The following CCNY variants were observed in gnomAD, a reference collection of about 807,000 sequenced individuals.
CCNY encodes cyclin Y, also known as cyclin-Y.
Under a neutral mutation model 42.8 loss-of-function variants are expected in CCNY, and 19 were observed. The observed-to-expected ratio is 0.44, with a 90% confidence interval of 0.31 to 0.65. The LOEUF (loss-of-function observed/expected upper bound fraction) is 0.65, where lower values mean the gene tolerates loss of function less well. Among genes scored for constraint, CCNY ranks in the 30% least tolerant of loss-of-function variants. The pLI is 0.07. For synonymous variants in CCNY, 165 were observed against 162.7 expected (o/e 1.01, Z -0.11); for missense variants, 370 against 437.3 (o/e 0.85, Z 1.37).
intron 3 of CCNY, among the ~76,000 whole-genome samples, chr10:35,504,810 T>C (rs1840181396): frequency 6.6e-6 from 1 of 152,176 alleles, no homozygotes; most frequent in Non-Finnish European, 1.5e-5. Context: ...CTAATTTTTG[T>C]ATTTTTAGTA....
At chr10:35,560,832 G>A (rs1841451443) in intron 8 of CCNY, among the ~76,000 whole-genome samples, 1 of 152,160 alleles carries the variant, frequency 6.6e-6, no homozygotes. Flanking sequence ...AACCGTGTGA[G>A]CCCAGGAATT....
intron 1 of CCNY, among the ~76,000 whole-genome samples, chr10:35,444,404 C>T (rs757930109): frequency 5.9e-5 from 9 of 152,112 alleles, no homozygotes; most frequent in Non-Finnish European, 4.4e-5. Flanking sequence ...TGCGCCATCA[C>T]GCCCAGCTAA....
At chr10:35,393,956 GA>G (rs1396563593) in intron 1 of CCNY, among the ~76,000 whole-genome samples, 1 of 152,156 alleles carries the variant, frequency 6.6e-6, no homozygotes, top group Non-Finnish European at 1.5e-5. Context: ...TATAAAAAAA[GA>G]AATGAAACAA....
chr10:35,414,918 G>A lies in CCNY; in HGVS notation c.155-68486G>A, dbSNP rs76837439. ...AATTGAGCTGAAGCCTTGTCAAGCC[G>A]TGCTTTGAGAGTGACCCTGCTCTGA... is the stretch of plus-strand genomic sequence containing the variant. On this transcript the variant is annotated intron_variant, in intron 1 of 9. Coordinates refer to ENST00000374704, the MANE Select transcript of CCNY (RefSeq NM_145012.6). 0.014 allele frequency among the ~76,000 whole-genome samples: 2,134 copies of A among 152,280 alleles called. 79 individuals are homozygous for A. In the East Asian group the frequency reaches 0.15, roughly 11 times the overall value.
chr10:35,569,018 C>T, intron 9 of CCNY, 36 bp from the exon 10 acceptor site: 1 of 1,398,112 alleles, frequency 7.2e-7, no homozygotes, highest in East Asian at 2.3e-5. Flanking sequence ...GCAGATATGG[C>T]CCGCCCTGAC....
chr10:35,526,380 G>A (rs1374137315), intron 5 of CCNY, among the ~76,000 whole-genome samples: 3 of 152,148 alleles, frequency 2.0e-5, no homozygotes, highest in Non-Finnish European at 4.4e-5. Context: ...ATTCAGTAGA[G>A]GCAATTTTGG....
intron 1 of CCNY, among the ~76,000 whole-genome samples, chr10:35,463,144 C>G (rs1839190895): frequency 6.6e-6 from 1 of 152,158 alleles, no homozygotes; most frequent in South Asian, 2.1e-4. Context: ...TTCAGATGTG[C>G]TAGATGTGGA....
chr10:35,380,564 C>T (rs1485671725), intron 1 of CCNY, among the ~76,000 whole-genome samples: 1 of 152,170 alleles, frequency 6.6e-6, no homozygotes, highest in African/African-American at 2.4e-5. Context: ...ATATTTCACC[C>T]AGATTTAGTA....
intron 1 of CCNY, among the ~76,000 whole-genome samples, chr10:35,339,348 C>T (rs1836123113): frequency 6.6e-6 from 1 of 152,076 alleles, no homozygotes; most frequent in Non-Finnish European, 1.5e-5. Context: ...GTGTTACCTG[C>T]CGTTCAGGGA....
chr10:35,423,193 G>A (rs1838195132), intron 1 of CCNY, among the ~76,000 whole-genome samples: 1 of 151,646 alleles, frequency 6.6e-6, no homozygotes, highest in Admixed American at 6.6e-5. Context: ...AAAAATTTTC[G>A]GCCAGGTGTG....
intron 1 of CCNY, among the ~76,000 whole-genome samples, chr10:35,434,913 G>A (rs912043001): frequency 6.6e-6 from 1 of 152,042 alleles, no homozygotes; most frequent in African/African-American, 2.4e-5. Context: ...TCTACTTAAT[G>A]TATCTCCTGC....
intron 1 of CCNY, among the ~76,000 whole-genome samples, chr10:35,385,430 C>T (rs1837282369): frequency 6.6e-6 from 1 of 152,128 alleles, no homozygotes; most frequent in South Asian, 2.1e-4. Flanking sequence ...GAAGTTAGTT[C>T]AGTGATTGTG....
chr10:35,526,731 TAA>T (rs1490184287), intron 5 of CCNY, among the ~76,000 whole-genome samples: 1 of 151,784 alleles, frequency 6.6e-6, no homozygotes, highest in East Asian at 1.9e-4. Flanking sequence ...CAGATGAGTA[TAA>T]AATTTTTCCA....
At chr10:35,247,662 G>A (rs986657073) in intron 1 of CCNY, among the ~76,000 whole-genome samples, 16 of 151,638 alleles carry the variant, frequency 1.1e-4, no homozygotes, top group Admixed American at 4.6e-4. Flanking sequence ...GGATCACAAC[G>A]TCAGGAGATC....
chr10:35,366,560 T>A (rs1170639176), intron 1 of CCNY, among the ~76,000 whole-genome samples: 1 of 152,228 alleles, frequency 6.6e-6, no homozygotes, highest in Non-Finnish European at 1.5e-5. Context: ...GATGGGAGAC[T>A]CCAAGGTTTT....
At chr10:35,438,635 C>T (rs897126787) in intron 1 of CCNY, among the ~76,000 whole-genome samples, 3 of 152,090 alleles carry the variant, frequency 2.0e-5, no homozygotes, top group African/African-American at 7.2e-5. Flanking sequence ...AAATGTTTCT[C>T]CTGTATACAT....
intron 2 of CCNY, among the ~76,000 whole-genome samples, chr10:35,494,819 ACAT>A (rs1839975406): frequency 6.6e-6 from 1 of 152,260 alleles, no homozygotes; most frequent in African/African-American, 2.4e-5. Context: ...GCAAAAGTAC[ACAT>A]CATGCTTGCT....
chr10:35,254,031 A>T (rs1020518992), intron 3 of CCNY, among the ~76,000 whole-genome samples: 1 of 136,882 alleles, frequency 7.3e-6, no homozygotes, highest in African/African-American at 2.9e-5. Context: ...GCCCGCCACC[A>T]TGCCCAGCTA....
At chr10:35,301,925 G>C (rs1156815171) in intron 3 of CCNY, among the ~76,000 whole-genome samples, 1 of 151,394 alleles carries the variant, frequency 6.6e-6, no homozygotes, top group Non-Finnish European at 1.5e-5. Context: ...GAGTCACCCC[G>C]CCCAGCCTTC....
Sources: allele counts gnomAD v4.1 joint callset (sites outside exome capture counted in the v4.1 genomes callset), GRCh38; gene constraint gnomAD v4.1.1; transcripts MANE v1.5; gene names NCBI Gene and HGNC (gene_info 2026-07-23, HGNC 2026-07-21).